The following PDZRN3 variants were observed in gnomAD, a reference collection of about 807,000 sequenced individuals.
The protein encoded by PDZRN3 is E3 ubiquitin-protein ligase PDZRN3.
A neutral mutation model predicts 85.7 loss-of-function variants in PDZRN3; 38 were observed. That is an observed-to-expected ratio of 0.44 (90% CI 0.34 to 0.58). The LOEUF (loss-of-function observed/expected upper bound fraction) is 0.58, where lower values mean the gene tolerates loss of function less well. Among genes scored for constraint, PDZRN3 ranks in the 20% least tolerant of loss-of-function variants. PDZRN3 has a pLI of 0.01. For synonymous variants in PDZRN3, 759 were observed against 638.0 expected, an observed-to-expected ratio of 1.19 and a Z score of -2.86; for missense variants, 1,629 against 1,506.4, an observed-to-expected ratio of 1.08 and a Z score of -1.35.
chr3:73,543,174 T>C (rs1701327297), intron 3 of PDZRN3, among the ~76,000 whole-genome samples: 1 of 152,170 alleles, frequency 6.6e-6, no homozygotes, highest in Non-Finnish European at 1.5e-5. Context: ...ACAAACAGCA[T>C]CCAGAGCAGA....
chr3:73,500,698 C>G (rs1262583338), intron 3 of PDZRN3, among the ~76,000 whole-genome samples: 2 of 152,164 alleles, frequency 1.3e-5, no homozygotes, highest in South Asian at 4.1e-4. Flanking sequence ...TGCCAGTTCT[C>G]GCCTCCTCCC....
rs35308043 is a variant in PDZRN3 at position 73,452,839 on chromosome 3, C to CTGTGTGTGTGTGTGTGTGTGTGTGTG, written c.919-48470_919-48445dup. ...GCCAATTCTCTAACGGTCCATATAT[C>CTGTGTGTGTGTGTGTGTGTGTGTGTG]TGTGTGTGTGTGTGTGTGTGTGTGT... is the stretch of plus-strand genomic sequence containing the variant. On this transcript the variant is annotated intron_variant, in intron 3 of 9. Coordinates refer to ENST00000263666, the MANE Select transcript of PDZRN3 (RefSeq NM_015009.3). Among the ~76,000 whole-genome samples the CTGTGTGTGTGTGTGTGTGTGTGTGTG allele has an allele frequency of 1.0e-3, 146 of 140,710 alleles. 3 individuals carry two copies. The highest frequency in any genetic ancestry group is 3.0e-3 in the African/African-American group (113 of 37,358). The allele number at this position is 140,710 out of a possible 152,430, so 92.3% of individuals were successfully genotyped here.
At chr3:73,624,082 G>C (rs1043181528) in intron 1 of PDZRN3, 21 bp downstream of exon 1, 3 of 1,425,858 alleles carry the variant, frequency 2.1e-6, no homozygotes, top group African/African-American at 3.0e-5. Flanking sequence ...CTGGAGGTCG[G>C]GGCGGGCAGC....
At chr3:73,392,163 T>A (rs1208335127) in intron 5 of PDZRN3, among the ~76,000 whole-genome samples, 2 of 152,260 alleles carry the variant, frequency 1.3e-5, no homozygotes, top group Non-Finnish European at 2.9e-5. Flanking sequence ...CACGGACACT[T>A]CCCAGGTGGA....
rs563588761 is a variant in PDZRN3, at chr3:73,418,725, T to A, written c.919-14330A>T. On this transcript the variant is annotated intron_variant, in intron 3 of 9. Coordinates refer to ENST00000263666, the MANE Select transcript of PDZRN3 (RefSeq NM_015009.3). ...ACTTCCTGACTTCATTTTCTTGTTCTCAGGTTAGTTACATGGTAGTGTTGC... is the reference window on the plus strand; with the variant it reads ...ACTTCCTGACTTCATTTTCTTGTTCACAGGTTAGTTACATGGTAGTGTTGC... Among the ~76,000 whole-genome samples, 9 of 152,326 alleles carry A rather than the reference T, an allele frequency of 5.9e-5. No individual in the cohort carries two copies. The South Asian group carries it at 1.9e-3, about 32-fold the overall frequency.
chr3:73,569,508 A>G, intron 3 of PDZRN3: 1 of 1,063,012 alleles, frequency 9.4e-7, no homozygotes, highest in Non-Finnish European at 1.1e-6. Flanking sequence ...CTTCTCTGCA[A>G]TGAGATCAGC....
intron 3 of PDZRN3, among the ~76,000 whole-genome samples, chr3:73,586,679 C>T (rs1005331090): frequency 5.3e-5 from 8 of 152,178 alleles, no homozygotes; most frequent in Non-Finnish European, 1.2e-4. Flanking sequence ...TACCTTCCTA[C>T]CAGAATCCAG....
intron 3 of PDZRN3, among the ~76,000 whole-genome samples, chr3:73,523,498 T>G (rs1432511520): frequency 6.6e-6 from 1 of 152,014 alleles, no homozygotes; most frequent in African/African-American, 2.4e-5. Flanking sequence ...TACATACAAA[T>G]ACACACATTT....
At chr3:73,424,729 C>A (rs1038342863) in intron 3 of PDZRN3, among the ~76,000 whole-genome samples, 1 of 151,922 alleles carries the variant, frequency 6.6e-6, no homozygotes, top group Non-Finnish European at 1.5e-5. Flanking sequence ...AAAGTTGGAG[C>A]AGGCACTTTA....
intron 3 of PDZRN3, among the ~76,000 whole-genome samples, chr3:73,560,289 A>C (rs1701789244): frequency 1.3e-5 from 2 of 152,146 alleles, no homozygotes; most frequent in South Asian, 4.1e-4. Context: ...CTTATGACTT[A>C]CCATTATTAC....
At position 73,388,034 on chromosome 3, in the gene PDZRN3, A is replaced by G. The variant is rs61732653; in HGVS notation, c.1452T>C (p.Ala484=). The change falls in exon 8 of 10, where the codon GCT becomes GCC. Residue 484 remains alanine (A), a synonymous_variant. Transcript: ENST00000263666. ...TTTCTTCACTGGTTAGAAGAGCCAC[A>G]GCCTCTTCACGGTTCTGCACCTCTA... The part of the protein sequence containing the change: ...NGIEVQNREE[A]VALLTSEENK... The G allele has an allele frequency of 0.011, 15,947 of 1,415,064 alleles. 106 individuals are homozygous for G. Among genetic ancestry groups the G allele is most frequent in the Middle Eastern group, 0.044 (230 of 5,238 alleles). 87.7% of individuals were successfully genotyped at this position (1,415,064 alleles called of 1,614,324 possible).
At chr3:73,424,577 AC>A (rs1702273405) in intron 3 of PDZRN3, among the ~76,000 whole-genome samples, 1 of 150,804 alleles carries the variant, frequency 6.6e-6, no homozygotes, top group African/African-American at 2.4e-5. Context: ...ATATGCAAAG[AC>A]AGGATACAAA....
chr3:73,582,109 A>G (rs1702211290), intron 3 of PDZRN3, among the ~76,000 whole-genome samples: 1 of 152,168 alleles, frequency 6.6e-6, no homozygotes, highest in South Asian at 2.1e-4. Context: ...CAAAAAAGAA[A>G]AGAAAAACCG....
intron 3 of PDZRN3, among the ~76,000 whole-genome samples, chr3:73,464,796 C>T (rs774070374): frequency 1.8e-4 from 27 of 152,026 alleles, no homozygotes; most frequent in Middle Eastern, 3.4e-3. Context: ...TTTTGAAGTA[C>T]ATATACATCG....
At chr3:73,576,008 G>C (rs934514152) in intron 3 of PDZRN3, among the ~76,000 whole-genome samples, 1 of 152,130 alleles carries the variant, frequency 6.6e-6, no homozygotes, top group South Asian at 2.1e-4. Flanking sequence ...AGGAGAAAAA[G>C]AGAGAAAAAT....
chr3:73,530,152 C>T (rs1324995563), intron 3 of PDZRN3, among the ~76,000 whole-genome samples: 1 of 152,164 alleles, frequency 6.6e-6, no homozygotes, highest in Admixed American at 6.5e-5. Context: ...CAAATTTTGG[C>T]CTCACCACAG....
At chr3:73,405,563 A>G (rs1701836360) in intron 3 of PDZRN3, among the ~76,000 whole-genome samples, 1 of 152,230 alleles carries the variant, frequency 6.6e-6, no homozygotes, top group Non-Finnish European at 1.5e-5. Context: ...ATCATATTCC[A>G]TAGGACACAT....
intron 1 of PDZRN3, among the ~76,000 whole-genome samples, chr3:73,617,353 T>G (rs1038924435): frequency 6.6e-6 from 1 of 152,202 alleles, no homozygotes; most frequent in African/African-American, 2.4e-5. Flanking sequence ...ACCACTTCCC[T>G]TTCTTATTGT....
rs1345220367 is a variant in PDZRN3 at position 73,384,104 on chromosome 3, G to A, written c.2462C>T (p.Thr821Ile). The A allele has an allele frequency of 1.2e-6, 2 of 1,614,016 alleles. No homozygotes were observed. The highest frequency in any genetic ancestry group is 2.2e-5 in the South Asian group (2 of 91,080). ...ITEDPEVGTP[T>I]YSPSLKELDP... ...CAGCTCCTTCAGGGACGGGCTATAG[G>A]TAGGGGTGCCCACTTCGGGATCTTC... The change falls in exon 10 of 10, where the codon ACC (threonine) becomes ATC (isoleucine). Residue 821 changes from threonine to isoleucine, a missense_variant. Coordinates refer to ENST00000263666, the MANE Select transcript of PDZRN3 (RefSeq NM_015009.3).
Sources: gnomAD v4.1 joint callset for allele counts (sites outside exome capture counted in the v4.1 genomes callset) on GRCh38, gnomAD v4.1.1 for gene constraint, MANE v1.5 for transcripts, NCBI Gene and HGNC (gene_info 2026-07-23, HGNC 2026-07-21) for gene names.